Variants in MYLK4 observed in about 807,000 individuals in gnomAD.
MYLK4 encodes myosin light chain kinase family member 4.
Under a neutral mutation model 48.1 loss-of-function variants are expected in MYLK4, and 46 were observed. That is an observed-to-expected ratio of 0.96 (90% CI 0.75 to 1.22). The LOEUF is 1.22. Ranked by LOEUF, MYLK4 falls within the 50% of genes most tolerant of loss-of-function variation. MYLK4 has a pLI of 0.00. For synonymous variants in MYLK4, 170 were observed against 180.8 expected (o/e 0.94, Z 0.48); for missense variants, 451 against 486.1 (o/e 0.93, Z 0.68).
intron 2 of MYLK4, chr6:2,743,851 A>G: frequency 5.0e-6 from 2 of 398,442 alleles, no homozygotes; most frequent in Non-Finnish European, 4.4e-6. Context: ...GGTTGGAAAC[A>G]TTCGAACAAA....
the MYLK4 span, among the ~76,000 whole-genome samples, chr6:2,761,328 T>C: frequency 6.6e-6 from 1 of 152,236 alleles, no homozygotes; most frequent in Non-Finnish European, 1.5e-5. Context: ...ATTGATTTCA[T>C]TTCCTGGGAC....
In MYLK4 at chr6:2,665,627, G is replaced by A. The variant is rs1760618227; in HGVS notation, c.*2298C>T. ...CCATGTGTGGCAGGGTCTGGGGACA[G>A]TTTATCTGCCAACCTGAGTCAGAAG... On this transcript the variant is annotated 3_prime_UTR_variant, in exon 13 of 13. Coordinates refer to ENST00000274643, the MANE Select transcript of MYLK4 (RefSeq NM_001012418.5). The A allele has an allele frequency of 6.6e-6, 1 of 152,264 alleles. No individual in the cohort carries two copies. Among genetic ancestry groups the A allele is most frequent in the South Asian group, 2.1e-4 (1 of 4,836 alleles). 9.4% of individuals were successfully genotyped at this position (152,264 alleles called of 1,614,324 possible).
chr6:2,664,080 C>A lies in MYLK4; in HGVS notation c.*3845G>T, dbSNP rs1760547516. On this transcript the variant is annotated 3_prime_UTR_variant, in exon 13 of 13. Coordinates refer to ENST00000274643, the MANE Select transcript of MYLK4 (RefSeq NM_001012418.5). ...AGCTATGTGAGGAAGTCATCTTAAT[C>A]CAGGAACCCAATATCTAATAAATCC... 1 of 152,218 alleles carries A rather than the reference C, an allele frequency of 6.6e-6. No homozygotes were observed. Among genetic ancestry groups the A allele is most frequent in the African/African-American group, 2.4e-5 (1 of 41,440 alleles). The allele number at this position is 152,218 out of a possible 1,614,324, so 9.4% of individuals were successfully genotyped here.
chr6:2,753,280 C>T (rs893140602), upstream of MYLK4, among the ~76,000 whole-genome samples: 24 of 152,232 alleles, frequency 1.6e-4, no homozygotes, highest in Middle Eastern at 3.4e-3. Flanking sequence ...CTCTTGTCTA[C>T]GGGTTGGCAT....
intron 2 of MYLK4, among the ~76,000 whole-genome samples, chr6:2,729,437 A>ATACGC (rs1763399398): frequency 1.3e-5 from 2 of 152,348 alleles, no homozygotes; most frequent in Non-Finnish European, 2.9e-5. Flanking sequence ...ACCTCTCCAG[A>ATACGC]TACGCAACAA....
At chr6:2,690,011 G>A (rs1195709233) in intron 3 of MYLK4, among the ~76,000 whole-genome samples, 1 of 152,196 alleles carries the variant, frequency 6.6e-6, no homozygotes, top group East Asian at 1.9e-4. Flanking sequence ...AATAGAGGGA[G>A]TTAAATACAC....
intron 2 of MYLK4, among the ~76,000 whole-genome samples, chr6:2,709,026 G>T (rs1388091843): frequency 1.3e-5 from 2 of 152,102 alleles, no homozygotes; most frequent in African/African-American, 4.8e-5. Flanking sequence ...CATCATTTAT[G>T]TTTAATCAGA....
chr6:2,741,712 A>G (rs1246958645), intron 2 of MYLK4, among the ~76,000 whole-genome samples: 1 of 143,272 alleles, frequency 7.0e-6, no homozygotes, highest in Non-Finnish European at 1.5e-5. Context: ...AAGAAAAGCT[A>G]TGAGGACATG....
chr6:2,735,852 A>G (rs1056191561), intron 2 of MYLK4, among the ~76,000 whole-genome samples: 1 of 152,250 alleles, frequency 6.6e-6, no homozygotes, highest in African/African-American at 2.4e-5. Context: ...AGCGGAACAG[A>G]AATTAAGGTT....
chr6:2,673,016 C>T lies in MYLK4; in HGVS notation c.1120-1668G>A, dbSNP rs1439952261. On this transcript the variant is annotated intron_variant, in intron 11 of 12. Transcript: ENST00000274643. This position sits in a 1 kb window ranked among gnomAD's most constrained non-coding sequence, Gnocchi z 4.2. ...AATTTATTTTTCATTAAAAAAAACC[C>T]ATCATCACTCTTGAACTATCTATTC... Among the ~76,000 whole-genome samples, 1 of 152,024 alleles carries T rather than the reference C, an allele frequency of 6.6e-6. No individual in the cohort carries two copies. The highest frequency in any genetic ancestry group is 1.5e-5 in the Non-Finnish European group (1 of 68,000).
In MYLK4 at chr6:2,722,672, G is replaced by A. The variant is rs536410105; in HGVS notation, c.159+26464C>T. The stretch of plus-strand genomic sequence containing the variant: ...CATGCATATTATTTAGACACATGGA[G>A]GTAAATAACAAAAGAATCAGATAAA... On this transcript the variant is annotated intron_variant, in intron 2 of 12. Coordinates refer to ENST00000274643, the MANE Select transcript of MYLK4 (RefSeq NM_001012418.5). Among the ~76,000 whole-genome samples the A allele has an allele frequency of 3.3e-5, 5 of 152,050 alleles. No individual in the cohort carries two copies. The South Asian group carries it at 1.0e-3, about 32-fold the overall frequency.
the MYLK4 span, chr6:2,765,917 G>C: frequency 6.9e-7 from 1 of 1,453,990 alleles, no homozygotes; most frequent in African/African-American, 1.5e-5. Context: ...GGGTGAGGAG[G>C]GCGACGACGG....
intron 7 of MYLK4, among the ~76,000 whole-genome samples, chr6:2,682,783 T>C (rs1381445366): frequency 6.6e-6 from 1 of 152,224 alleles, no homozygotes; most frequent in African/African-American, 2.4e-5. Context: ...CATTGCCATA[T>C]AGATTTCCTT....
intron 2 of MYLK4, among the ~76,000 whole-genome samples, chr6:2,747,048 T>G (rs188867241): frequency 2.0e-4 from 31 of 152,174 alleles, no homozygotes; most frequent in Non-Finnish European, 1.2e-4. Context: ...TAGGCCCTTC[T>G]CCATTTACAA....
Position 2,685,416 on chromosome 6 carries a change from G to A in MYLK4, c.436-11C>T. On this transcript the variant is annotated splice_polypyrimidine_tract_variant and intron_variant, in intron 5 of 12. Transcript: ENST00000274643. This position sits in a 1 kb window ranked among gnomAD's most constrained non-coding sequence, Gnocchi z 4.5. ...GTTCTTCACCTCCTCCTGAGAAGCA[G>A]GAAACAGTGCATTAGTGTGGTCAAG... is the stretch of plus-strand genomic sequence containing the variant. 2 of 1,568,370 alleles carry A rather than the reference G, an allele frequency of 1.3e-6. No homozygotes were observed. Among genetic ancestry groups the A allele is most frequent in the Non-Finnish European group, 1.7e-6 (2 of 1,151,338 alleles).
chr6:2,762,302 T>C, the MYLK4 span, among the ~76,000 whole-genome samples: 1 of 152,226 alleles, frequency 6.6e-6, no homozygotes, highest in African/African-American at 2.4e-5. Flanking sequence ...ATTAGGTCTA[T>C]ATGCAACTCT....
the MYLK4 span, among the ~76,000 whole-genome samples, chr6:2,764,045 T>C: frequency 2.4e-3 from 370 of 152,206 alleles, no homozygotes; most frequent in African/African-American, 8.3e-3. Flanking sequence ...GACAGCAGAA[T>C]CACTGGAACC....
chr6:2,671,692 G>A (rs1055753318), intron 11 of MYLK4, among the ~76,000 whole-genome samples: 1 of 152,222 alleles, frequency 6.6e-6, no homozygotes, highest in African/African-American at 2.4e-5. Flanking sequence ...CTGGGGCTAC[G>A]ATGACTGCAA....
chr6:2,668,701 T>C (rs1267841198), intron 12 of MYLK4, among the ~76,000 whole-genome samples: 2 of 152,224 alleles, frequency 1.3e-5, no homozygotes, highest in African/African-American at 4.8e-5. Flanking sequence ...ATCTTTTTTT[T>C]CCTAACTTCT....
Sources: gnomAD v4.1 joint callset for allele counts (sites outside exome capture counted in the v4.1 genomes callset) on GRCh38, gnomAD v4.1.1 for gene constraint, Gnocchi (gnomAD v3.1) non-coding constraint, MANE v1.5 for transcripts, NCBI Gene and HGNC (gene_info 2026-07-23, HGNC 2026-07-21) for gene names.